Variants in LRRC63 observed in about 807,000 individuals in gnomAD.
LRRC63 encodes the protein leucine-rich repeat-containing protein 63.
In LRRC63, 40 loss-of-function variants were observed where a neutral mutation model predicts 49.5. That is an observed-to-expected ratio of 0.81 (90% CI 0.63 to 1.05). The LOEUF is 1.05. Ranked by LOEUF, LRRC63 falls within the 50% of genes least tolerant of loss-of-function variation. The probability of loss-of-function intolerance (pLI) is 0.00; values close to 1 mark genes in which losing one functional copy is unlikely to be tolerated. For missense variants in LRRC63, 636 were observed against 663.1 expected (o/e 0.96, Z 0.45); for synonymous variants, 191 against 221.1 (o/e 0.86, Z 1.21).
chr13:46,239,650 C>A (rs1486036830), intron 5 of LRRC63, among the ~76,000 whole-genome samples: 1 of 152,186 alleles, frequency 6.6e-6, no homozygotes, highest in Non-Finnish European at 1.5e-5. Context: ...ATGGCAGCAT[C>A]ATCCTGATAC....
chr13:46,250,579 C>T, intron 7 of LRRC63, 88 bp downstream of exon 7: 1 of 1,131,180 alleles, frequency 8.8e-7, no homozygotes, highest in Non-Finnish European at 1.2e-6. Context: ...CAGCTAGCAG[C>T]TTTTTGGCTA....
chr13:46,260,956 T>C (rs1266041668), intron 7 of LRRC63, among the ~76,000 whole-genome samples: 1 of 152,176 alleles, frequency 6.6e-6, no homozygotes, highest in Non-Finnish European at 1.5e-5. Flanking sequence ...TTTATTTACA[T>C]GGAAAACAAG....
intron 5 of LRRC63, among the ~76,000 whole-genome samples, chr13:46,238,502 C>T (rs2046966841): frequency 6.6e-6 from 1 of 152,024 alleles, no homozygotes; most frequent in Non-Finnish European, 1.5e-5. Flanking sequence ...ACTGACAGTT[C>T]CACATGGCTG....
intron 6 of LRRC63, 110 bp downstream of exon 6, chr13:46,246,735 T>G (rs928735288): frequency 6.5e-6 from 3 of 462,712 alleles, no homozygotes; most frequent in Non-Finnish European, 1.1e-5. Context: ...ACTGTAAATG[T>G]ATTTTGGATT....
At chr13:46,268,818 GATCTCTATGAAATAACA>G (rs1486975405) in intron 9 of LRRC63, among the ~76,000 whole-genome samples, 1 of 148,488 alleles carries the variant, frequency 6.7e-6, no homozygotes, top group Non-Finnish European at 1.5e-5. Flanking sequence ...AAACAAACAT[GATCTCTATGAAATAACA>G]ATGTCTATGA....
At chr13:46,214,599 G>A (rs1466403251) in intron 2 of LRRC63, among the ~76,000 whole-genome samples, 1 of 151,672 alleles carries the variant, frequency 6.6e-6, no homozygotes, top group Admixed American at 6.6e-5. Context: ...GCTCTTGACA[G>A]AGGGCTTTGC....
chr13:46,220,439 TG>T (rs34303022), intron 2 of LRRC63, among the ~76,000 whole-genome samples: 1 of 152,108 alleles, frequency 6.6e-6, no homozygotes, highest in Non-Finnish European at 1.5e-5. Context: ...GCCTCAGTGA[TG>T]GCAGACGCCC....
At chr13:46,239,036 A>G (rs943703203) in intron 5 of LRRC63, among the ~76,000 whole-genome samples, 11 of 152,238 alleles carry the variant, frequency 7.2e-5, no homozygotes, top group Non-Finnish European at 1.2e-4. Flanking sequence ...AAAAAATTAG[A>G]AAGATGTTAC....
chr13:46,248,402 A>G (rs980877588), intron 6 of LRRC63, among the ~76,000 whole-genome samples: 8 of 151,992 alleles, frequency 5.3e-5, no homozygotes, highest in Admixed American at 6.6e-5. Context: ...CACACTTAAG[A>G]TTAAAAGAAA....
intron 8 of LRRC63, among the ~76,000 whole-genome samples, chr13:46,265,056 A>C (rs2047665232): frequency 6.6e-6 from 1 of 152,122 alleles, no homozygotes. Context: ...GCTACTCGTG[A>C]GACTGAGTCA....
chr13:46,242,858 C>T (rs2047103997), intron 5 of LRRC63, among the ~76,000 whole-genome samples: 1 of 151,612 alleles, frequency 6.6e-6, no homozygotes, highest in Non-Finnish European at 1.5e-5. Flanking sequence ...CCCCAAATAA[C>T]AAAAGATGAA....
At chr13:46,235,173 G>C (rs1050978817) in intron 5 of LRRC63, among the ~76,000 whole-genome samples, 1 of 152,102 alleles carries the variant, frequency 6.6e-6, no homozygotes, top group Non-Finnish European at 1.5e-5. Context: ...AAATGGCCTG[G>C]CTAAGCATTG....
At chr13:46,250,183 T>C in intron 6 of LRRC63, 172 bp from the exon 7 acceptor site, 1 of 525,654 alleles carries the variant, frequency 1.9e-6, no homozygotes, top group South Asian at 2.5e-5. Context: ...CTATTAATGC[T>C]GGTCACTTGT....
In LRRC63 at chr13:46,228,752, CA is replaced by C. The variant is rs1462162483; in HGVS notation, c.832+21del. On this transcript the variant is annotated intron_variant, in intron 4 of 9. Coordinates refer to ENST00000595396, the Ensembl canonical transcript of LRRC63. Reference sequence around the variant, plus strand: ...CCTGAAGGTAAATGCTAGATTTATACAATTCTTTTAGAAAATGTATGTAAGA... The same window carrying C: ...CCTGAAGGTAAATGCTAGATTTATACATTCTTTTAGAAAATGTATGTAAGA... 1.4e-6 allele frequency: 2 copies of C among 1,469,026 alleles called. No individual in the cohort carries two copies. The highest frequency in any genetic ancestry group is 2.8e-5 in the African/African-American group (2 of 70,516). The allele number at this position is 1,469,026 out of a possible 1,614,324, so 91.0% of individuals were successfully genotyped here. A position where few individuals can be genotyped will look rare whatever the true frequency, so the allele number is the denominator to read the frequency against.
At chr13:46,240,281 C>A (rs983700305) in intron 5 of LRRC63, among the ~76,000 whole-genome samples, 8 of 148,194 alleles carry the variant, frequency 5.4e-5, no homozygotes, top group African/African-American at 2.1e-4. Context: ...CGCCTGCCAC[C>A]ACGCTTGGCT....
chr13:46,249,888 G>A (rs888331239), intron 6 of LRRC63: 1 of 151,856 alleles, frequency 6.6e-6, no homozygotes, highest in African/African-American at 2.4e-5. Flanking sequence ...GATTTAAATG[G>A]TTTACTCTAT....
At chr13:46,234,270 G>T (rs888458873) in exon 5 of LRRC63, 6 of 1,550,082 alleles carry the variant, frequency 3.9e-6, no homozygotes, top group African/African-American at 1.4e-5. Context: ...GCAGCAACAC[G>T]ATATGAAACA....
At chr13:46,238,277 T>C (rs952088564) in intron 5 of LRRC63, among the ~76,000 whole-genome samples, 1 of 152,038 alleles carries the variant, frequency 6.6e-6, no homozygotes, top group Non-Finnish European at 1.5e-5. Context: ...ATATTCAACA[T>C]TGGACAAAAA....
chr13:46,234,160 A>G, intron 4 of LRRC63, 32 bp from the exon 5 acceptor site: 1 of 1,520,024 alleles, frequency 6.6e-7, no homozygotes, highest in Non-Finnish European at 8.9e-7. Flanking sequence ...ACACATTTAA[A>G]TTTTATGTTT....
Sources: allele counts gnomAD v4.1 joint callset (sites outside exome capture counted in the v4.1 genomes callset), GRCh38; gene constraint gnomAD v4.1.1; transcripts MANE v1.5; gene names NCBI Gene and HGNC (gene_info 2026-07-23, HGNC 2026-07-21).